CDH6: variants seen among roughly 807,000 people sequenced by gnomAD.
CDH6 encodes cadherin 6.
In CDH6, 31 loss-of-function variants were observed where a neutral mutation model predicts 78.0. That is an observed-to-expected ratio of 0.40 (90% confidence interval 0.30 to 0.54). The LOEUF is 0.54. CDH6 is among the 20% of genes least tolerant of loss of function. CDH6 has a pLI of 0.56. For synonymous variants in CDH6, 376 were observed against 368.8 expected (o/e 1.02, Z -0.23); for missense variants, 724 against 975.9 (o/e 0.74, Z 3.44).
rs745806412 is a variant in CDH6 at position 31,294,183 on chromosome 5, T to C, written c.450T>C (p.His150=). The C allele has an allele frequency of 3.1e-6, 5 of 1,613,906 alleles. No individual in the cohort carries two copies. Among genetic ancestry groups the C allele is most frequent in the Admixed American group, 3.3e-5 (2 of 59,988 alleles). The part of the protein sequence containing the change: ...EPESEFIIKI[H]DINDNEPIFT... Reference sequence around the variant, plus strand: ...AGTCTGAATTCATCATCAAGATCCATGACATCAATGACAATGAACCAATAT... The same window carrying C: ...AGTCTGAATTCATCATCAAGATCCACGACATCAATGACAATGAACCAATAT... Residue 150 remains histidine (H), a synonymous_variant, in exon 3 of 12, where the codon CAT becomes CAC. Coordinates refer to ENST00000265071, the MANE Select transcript of CDH6 (RefSeq NM_004932.4). The surrounding 1 kb of genome is among the most constrained non-coding windows in gnomAD (Gnocchi z 4.1).
Position 31,267,543 on chromosome 5 carries a change from C to G in CDH6, c.70C>G (p.Leu24Val). 1 of 1,614,130 alleles carries G rather than the reference C, an allele frequency of 6.2e-7. No homozygotes were observed. The highest frequency in any genetic ancestry group is 8.5e-7 in the Non-Finnish European group (1 of 1,180,032). ...GCCCTACCCAACTCTCTCAACTCCA[C>G]TATCAAAGAGGACTAGTGGTTTCCC... ...GQPYPTLSTP[L>V]SKRTSGFPAK... The change falls in exon 2 of 12, where the codon CTA becomes GTA. Residue 24 changes from leucine (L) to valine (V), a missense_variant. Coordinates refer to ENST00000265071, the MANE Select transcript of CDH6 (RefSeq NM_004932.4).
At chr5:31,253,011 T>A (rs1741950251) in intron 1 of CDH6, among the ~76,000 whole-genome samples, 1 of 152,234 alleles carries the variant, frequency 6.6e-6, no homozygotes, top group Non-Finnish European at 1.5e-5. Context: ...CTAAGTGGCT[T>A]ATAAACAACA....
At chr5:31,314,145 ATC>A (rs1738236867) in intron 8 of CDH6, among the ~76,000 whole-genome samples, 1 of 152,122 alleles carries the variant, frequency 6.6e-6, no homozygotes, top group Admixed American at 6.6e-5. Context: ...GTGAAAAATG[ATC>A]TTTTTTTAAT....
At chr5:31,275,063 C>T (rs572399694) in intron 2 of CDH6, among the ~76,000 whole-genome samples, 9 of 152,294 alleles carry the variant, frequency 5.9e-5, no homozygotes, top group South Asian at 2.1e-4. Flanking sequence ...TAGTAAACCA[C>T]GTAGATACTG....
chr5:31,264,571 T>C (rs1207017100), intron 1 of CDH6, among the ~76,000 whole-genome samples: 40 of 152,184 alleles, frequency 2.6e-4, no homozygotes, highest in Non-Finnish European at 5.7e-4. Context: ...TAAATGAGAA[T>C]TGCTAAGTTA....
intron 7 of CDH6, among the ~76,000 whole-genome samples, chr5:31,309,701 A>T (rs1167372803): frequency 1.3e-5 from 2 of 149,864 alleles, no homozygotes; most frequent in African/African-American, 2.5e-5. Flanking sequence ...GGTTTAATTG[A>T]CTCCCATTTC....
At chr5:31,198,455 G>A (rs952071680) in intron 1 of CDH6, among the ~76,000 whole-genome samples, 2 of 152,090 alleles carry the variant, frequency 1.3e-5, no homozygotes, top group African/African-American at 4.8e-5. Flanking sequence ...TGGGAGAAAC[G>A]ACTTATGAAG....
chr5:31,289,590 C>T (rs1420327110), intron 2 of CDH6, among the ~76,000 whole-genome samples: 2 of 152,174 alleles, frequency 1.3e-5, no homozygotes, highest in African/African-American at 4.8e-5. Flanking sequence ...TACCTTCCCA[C>T]CAACAGTGTA....
At chr5:31,313,653 A>G (rs1045517022) in intron 8 of CDH6, among the ~76,000 whole-genome samples, 199 bp downstream of exon 8, 1 of 152,208 alleles carries the variant, frequency 6.6e-6, no homozygotes, top group African/African-American at 2.4e-5. Context: ...CAACCATGGA[A>G]GTTCTGTGGT....
chr5:31,216,830 T>C (rs1324396384), intron 1 of CDH6, among the ~76,000 whole-genome samples: 1 of 152,152 alleles, frequency 6.6e-6, no homozygotes, highest in Non-Finnish European at 1.5e-5. Context: ...AATTAACTTA[T>C]AATTGATTTT....
chr5:31,251,924 A>T (rs1741920301), intron 1 of CDH6: 1 of 152,224 alleles, frequency 6.6e-6, no homozygotes, highest in South Asian at 2.1e-4. Flanking sequence ...AAAAAATTCC[A>T]GGCCAAGCAA....
chr5:31,242,577 C>T (rs1269947016), intron 1 of CDH6, among the ~76,000 whole-genome samples: 1 of 152,004 alleles, frequency 6.6e-6, no homozygotes, highest in Non-Finnish European at 1.5e-5. Flanking sequence ...GTAGCAGTGG[C>T]AGGATCGTAG....
chr5:31,224,538 GAAT>G (rs1333629414), intron 1 of CDH6, among the ~76,000 whole-genome samples: 1 of 152,104 alleles, frequency 6.6e-6, no homozygotes, highest in Non-Finnish European at 1.5e-5. Flanking sequence ...GACAAAATTT[GAAT>G]CACTCTCATT....
chr5:31,305,623 G>C lies in CDH6; in HGVS notation c.1253+196G>C, dbSNP rs143183059. Among the ~76,000 whole-genome samples, 471 of 152,216 alleles carry C rather than the reference G, an allele frequency of 3.1e-3. 5 individuals are homozygous for C. The highest frequency in any genetic ancestry group is 0.011 in the African/African-American group (446 of 41,528). ...ATATTATTTTGGCAGAAGTACAGTAGTCCCTTTTTATCCCTGGGGGATTGG... is the reference window on the plus strand; with the variant it reads ...ATATTATTTTGGCAGAAGTACAGTACTCCCTTTTTATCCCTGGGGGATTGG... On this transcript the variant is annotated intron_variant, in intron 7 of 11. Transcript: ENST00000265071.
chr5:31,327,602 G>T lies in CDH6; in HGVS notation c.*4294G>T, dbSNP rs894204792. 1.0e-5 allele frequency: 2 copies of T among 197,392 alleles called. No individual in the cohort carries two copies. The highest frequency in any genetic ancestry group is 2.1e-5 in the Non-Finnish European group (2 of 95,250). 12.2% of individuals were successfully genotyped at this position (197,392 alleles called of 1,614,324 possible). ...AAGAGTAGAAAAATTAACACTTGGTGTGTGAATCTTCAGGAAAATGAGCTA... is the reference window on the plus strand; with the variant it reads ...AAGAGTAGAAAAATTAACACTTGGTTTGTGAATCTTCAGGAAAATGAGCTA... On this transcript the variant is annotated 3_prime_UTR_variant, in exon 12 of 12. Coordinates refer to ENST00000265071, the MANE Select transcript of CDH6 (RefSeq NM_004932.4).
In CDH6 at chr5:31,200,035, A is replaced by G. The variant is rs188084056; in HGVS notation, c.-129+6149A>G. 1.8e-3 allele frequency among the ~76,000 whole-genome samples: 278 copies of G among 152,192 alleles called. 3 individuals carry two copies. The highest frequency in any genetic ancestry group is 2.9e-3 in the Non-Finnish European group (195 of 68,012). On this transcript the variant is annotated intron_variant, in intron 1 of 11. Coordinates refer to ENST00000265071, the MANE Select transcript of CDH6 (RefSeq NM_004932.4). ...AAAAGTGTGACTCTCTCTGAGAACT[A>G]CAGAGCAGCAGAGGGCATGGGAATG...
intron 2 of CDH6, among the ~76,000 whole-genome samples, chr5:31,275,111 G>T (rs1374274958): frequency 2.6e-5 from 4 of 152,132 alleles, no homozygotes; most frequent in Non-Finnish European, 5.9e-5. Flanking sequence ...TCATAATATG[G>T]TCTGTAGTAG....
intron 11 of CDH6, among the ~76,000 whole-genome samples, chr5:31,322,411 G>T (rs28638061): frequency 0.031 from 4,706 of 151,938 alleles, 244 homozygotes; most frequent in African/African-American, 0.11. Flanking sequence ...CATTCCCAAA[G>T]GTGCCAGTCT....
intron 1 of CDH6, among the ~76,000 whole-genome samples, chr5:31,231,836 C>T (rs762217150): frequency 6.6e-6 from 1 of 152,204 alleles, no homozygotes; most frequent in Non-Finnish European, 1.5e-5. Context: ...AACCATAGCA[C>T]TTCCTCTGTA....
Sources: allele counts gnomAD v4.1 joint callset (sites outside exome capture counted in the v4.1 genomes callset), GRCh38; gene constraint gnomAD v4.1.1; non-coding constraint Gnocchi (gnomAD v3.1); transcripts MANE v1.5; gene names NCBI Gene and HGNC (gene_info 2026-07-23, HGNC 2026-07-21).